Variants in PCDHA13 observed in about 807,000 individuals in gnomAD.
The protein encoded by PCDHA13 is protocadherin alpha 13.
In PCDHA13, 54 loss-of-function variants were observed where a neutral mutation model predicts 64.8. The ratio of observed to expected loss-of-function variants is 0.83; its 90% CI spans 0.67 to 1.04. The LOEUF is 1.04. Ranked by LOEUF, PCDHA13 falls within the 50% of genes least tolerant of loss-of-function variation. PCDHA13 has a pLI of 0.00. For missense variants in PCDHA13, 1,248 were observed against 1,254.3 expected (o/e 0.99, Z 0.08); for synonymous variants, 587 against 564.4 (o/e 1.04, Z -0.57).
chr5:140,920,583 C>A (rs1287573835), intron 1 of PCDHA13, among the ~76,000 whole-genome samples: 1 of 152,106 alleles, frequency 6.6e-6, no homozygotes, highest in African/African-American at 2.4e-5. Context: ...CAGTGGCTCA[C>A]GCCTGTAATC....
At chr5:140,964,015 A>G (rs1466689123) in intron 1 of PCDHA13, among the ~76,000 whole-genome samples, 1 of 152,178 alleles carries the variant, frequency 6.6e-6, no homozygotes. Context: ...TTTAATAGAG[A>G]GCTCTTGAAG....
At chr5:140,896,430 T>C (rs543866183) in intron 1 of PCDHA13, among the ~76,000 whole-genome samples, 41 of 152,158 alleles carry the variant, frequency 2.7e-4, no homozygotes, top group Non-Finnish European at 4.4e-4. Context: ...CCATTCTGAC[T>C]GGTGTGACTG....
chr5:140,970,026 T>A (rs2153783055), intron 1 of PCDHA13, among the ~76,000 whole-genome samples: 1 of 152,304 alleles, frequency 6.6e-6, no homozygotes, highest in Non-Finnish European at 1.5e-5. Context: ...GGCAGAGAGA[T>A]TAAGTACCAA....
rs75032728 is a variant in PCDHA13 at position 140,932,740 on chromosome 5, T to C, written c.2395-46209T>C. On this transcript the variant is annotated intron_variant, in intron 1 of 3. Coordinates refer to ENST00000289272, the MANE Select transcript of PCDHA13 (RefSeq NM_018904.3). The stretch of plus-strand genomic sequence containing the variant: ...ATATTGTATAATATAGACCCTCAAA[T>C]CAGTAAAAAGGAAAGAAAAAGAACA... 5.5e-3 allele frequency among the ~76,000 whole-genome samples: 829 copies of C among 151,670 alleles called. 4 individuals carry two copies. The highest frequency in any genetic ancestry group is 0.019 in the African/African-American group (798 of 41,410).
intron 1 of PCDHA13, among the ~76,000 whole-genome samples, chr5:140,903,475 A>C (rs1186809574): frequency 6.6e-6 from 1 of 152,220 alleles, no homozygotes; most frequent in African/African-American, 2.4e-5. Flanking sequence ...TATTCCTTGC[A>C]TTATAGTTCT....
At chr5:140,968,722 T>C (rs1379540261) in intron 1 of PCDHA13, 2 of 1,613,846 alleles carry the variant, frequency 1.2e-6, no homozygotes, top group Admixed American at 1.7e-5. Context: ...GAGATGAGAG[T>C]GGTAGCACTT....
chr5:140,979,002 G>A lies in PCDHA13; in HGVS notation c.2448G>A (p.Met816Ile). 6.2e-7 allele frequency: 1 copy of A among 1,614,130 alleles called. No homozygotes were observed. The highest frequency in any genetic ancestry group is 8.5e-7 in the Non-Finnish European group (1 of 1,180,014). ...WRYSASLRAG[M>I]HSSVHLEEAG... ...ACTCTGCCTCCCTGAGAGCAGGCAT[G>A]CACAGGTATGTATTTCCCTCCTCAT... The change falls in exon 2 of 4, where the codon ATG becomes ATA. Residue 816 changes from methionine (M) to isoleucine (I), a missense_variant. Transcript: ENST00000289272.
chr5:140,928,697 G>A (rs1554206190), intron 1 of PCDHA13: 1 of 1,614,122 alleles, frequency 6.2e-7, no homozygotes, highest in Non-Finnish European at 8.5e-7. Context: ...CACATCTCCC[G>A]GGCGTCTGAC....
At chr5:140,895,292 C>A (rs1032250917) in intron 1 of PCDHA13, among the ~76,000 whole-genome samples, 2 of 152,044 alleles carry the variant, frequency 1.3e-5, no homozygotes. Context: ...TTAGGACCTT[C>A]GATTTCCCCC....
intron 1 of PCDHA13, among the ~76,000 whole-genome samples, chr5:140,939,246 C>G (rs536477969): frequency 6.6e-5 from 10 of 152,230 alleles, no homozygotes; most frequent in African/African-American, 2.2e-4. Context: ...AGCAAGGTAG[C>G]TCTCTGGAAC....
chr5:140,908,778 C>G (rs1452710808), intron 1 of PCDHA13, among the ~76,000 whole-genome samples: 1 of 152,184 alleles, frequency 6.6e-6, no homozygotes, highest in Non-Finnish European at 1.5e-5. Flanking sequence ...GTAGAGTCTT[C>G]TCCTGTTCTG....
chr5:140,973,203 A>T (rs1554234958), intron 1 of PCDHA13, among the ~76,000 whole-genome samples: 1 of 152,196 alleles, frequency 6.6e-6, no homozygotes, highest in Non-Finnish European at 1.5e-5. Flanking sequence ...ATGTGTGCAT[A>T]TTCACCCTAA....
intron 3 of PCDHA13, among the ~76,000 whole-genome samples, chr5:141,001,813 G>A (rs782384459): frequency 2.6e-5 from 4 of 152,172 alleles, no homozygotes; most frequent in Non-Finnish European, 4.4e-5. Flanking sequence ...TCTACAATCG[G>A]CCAAATTCTG....
At chr5:140,967,588 A>G (rs782208520) in intron 1 of PCDHA13, 7 of 1,614,116 alleles carry the variant, frequency 4.3e-6, no homozygotes, top group Non-Finnish European at 5.1e-6. Flanking sequence ...CCCCAGGCAC[A>G]TTGGTGGTGA....
rs2098417406 is a variant in PCDHA13, at chr5:141,010,474, G to A, written c.*537G>A. Reference sequence around the variant, plus strand: ...CGGAAGTTATCAGTATGGAGGGGAAGTGTAAACTTAAAGGGACCAGACTTT... The same window carrying A: ...CGGAAGTTATCAGTATGGAGGGGAAATGTAAACTTAAAGGGACCAGACTTT... On this transcript the variant is annotated 3_prime_UTR_variant, in exon 4 of 4. Transcript: ENST00000289272. The A allele has an allele frequency of 3.9e-6, 3 of 760,382 alleles. No individual in the cohort carries two copies. The highest frequency in any genetic ancestry group is 3.2e-5 in the Admixed American group (1 of 31,594). The allele number at this position is 760,382 out of a possible 1,614,324, so 47.1% of individuals were successfully genotyped here.
chr5:140,933,423 A>G (rs2089141997), intron 1 of PCDHA13, among the ~76,000 whole-genome samples: 1 of 152,144 alleles, frequency 6.6e-6, no homozygotes, highest in Non-Finnish European at 1.5e-5. Flanking sequence ...TTCTGTGTTC[A>G]TAGGGGCACT....
intron 1 of PCDHA13, chr5:140,966,679 G>T: frequency 1.5e-6 from 2 of 1,317,678 alleles, no homozygotes; most frequent in Admixed American, 3.8e-5. Context: ...AGGGTGGCAC[G>T]AGCGGAGGCG....
intron 1 of PCDHA13, chr5:140,927,000 A>G (rs1554203899): frequency 1.2e-6 from 2 of 1,612,352 alleles, no homozygotes; most frequent in Non-Finnish European, 1.7e-6. Flanking sequence ...GCGTAGCCGT[A>G]GGCAATCTCT....
intron 1 of PCDHA13, among the ~76,000 whole-genome samples, chr5:140,895,833 C>G (rs1325973837): frequency 2.0e-5 from 3 of 152,038 alleles, no homozygotes; most frequent in Non-Finnish European, 2.9e-5. Context: ...TTTTTTCAGA[C>G]AAAGTCTCAC....
Sources: allele counts gnomAD v4.1 joint callset (sites outside exome capture counted in the v4.1 genomes callset), GRCh38; gene constraint gnomAD v4.1.1; transcripts MANE v1.5; gene names NCBI Gene and HGNC (gene_info 2026-07-23, HGNC 2026-07-21).